AMPD3: variants seen among roughly 807,000 people sequenced by gnomAD.
AMPD3 encodes AMP deaminase 3.
A neutral mutation model predicts 82.3 loss-of-function variants in AMPD3; 57 were observed. The ratio of observed to expected loss-of-function variants is 0.69; its 90% CI spans 0.56 to 0.86. The LOEUF (loss-of-function observed/expected upper bound fraction) is 0.86, where lower values mean the gene tolerates loss of function less well. Among genes scored for constraint, AMPD3 ranks in the 40% least tolerant of loss-of-function variants. The pLI is 0.00. For synonymous variants in AMPD3, 381 were observed against 394.7 expected (o/e 0.97, Z 0.41); for missense variants, 870 against 1,003.8 (o/e 0.87, Z 1.80).
At chr11:10,505,321 G>A (rs1448366185) in intron 14 of AMPD3, 3 of 985,248 alleles carry the variant, frequency 3.0e-6, no homozygotes, top group Non-Finnish European at 2.4e-6. Flanking sequence ...CTTTTCATGC[G>A]CAGTGTGGTG....
chr11:10,461,847 T>C, intron 2 of AMPD3, 107 bp downstream of exon 2: 2 of 1,069,926 alleles, frequency 1.9e-6, no homozygotes, highest in East Asian at 5.2e-5. Flanking sequence ...GGTATGTCCC[T>C]AGAGCTGTGT....
Position 10,456,423 on chromosome 11 carries a change from A to G in AMPD3, c.-6+975A>G, listed in dbSNP as rs1287945830. On this transcript the variant is annotated intron_variant, in intron 1 of 14. Transcript: ENST00000396553. This position sits in a 1 kb window ranked among gnomAD's most constrained non-coding sequence, Gnocchi z 4.3. ...CTCAGGTCTGTGTCGGGGCTTCTGC[A>G]AGGGGAGTCTGGCAAGAGTAGGAAC... 1 of 1,613,792 alleles carries G rather than the reference A, an allele frequency of 6.2e-7. No homozygotes were observed. Among genetic ancestry groups the G allele is most frequent in the Non-Finnish European group, 8.5e-7 (1 of 1,179,696 alleles).
chr11:10,473,989 A>T (rs2133864562), intron 2 of AMPD3, among the ~76,000 whole-genome samples: 1 of 152,090 alleles, frequency 6.6e-6, no homozygotes, highest in Admixed American at 6.5e-5. Context: ...GTGGGGGAGG[A>T]GTTCAAACCA....
In AMPD3 at chr11:10,484,864, G is replaced by A. The variant is rs773101414; in HGVS notation, c.634G>A (p.Asp212Asn). The A allele has an allele frequency of 2.5e-6, 4 of 1,614,074 alleles. No individual in the cohort carries two copies. The highest frequency in any genetic ancestry group is 2.5e-6 in the Non-Finnish European group (3 of 1,180,018). The change falls in exon 5 of 15, where the codon GAT becomes AAT. Residue 212 changes from aspartate to asparagine, a missense_variant. Asp to Asn is a conservative substitution (Grantham distance 23). Transcript: ENST00000396553. ...PLPQEDPYCL[D>N]DAPPNLDYLV... is the part of the protein sequence containing the mutation. Reference sequence around the variant, plus strand: ...GCCCCAGGAAGACCCCTACTGCCTGGATGATGCACCCCCCAACCTGGATTA... The same window carrying A: ...GCCCCAGGAAGACCCCTACTGCCTGAATGATGCACCCCCCAACCTGGATTA...
chr11:10,501,620 T>C (rs1401423677), intron 12 of AMPD3, 30 bp downstream of exon 12: 1 of 1,614,078 alleles, frequency 6.2e-7, no homozygotes, highest in Non-Finnish European at 8.5e-7. Context: ...GAGCCCGTCC[T>C]GAGTGACTGC....
At chr11:10,477,218 T>C (rs1038482608) in intron 2 of AMPD3, 1 of 569,546 alleles carries the variant, frequency 1.8e-6, no homozygotes, top group Non-Finnish European at 2.2e-6. Context: ...CACTAGTACC[T>C]GGAGAGGAGG....
upstream of AMPD3, among the ~76,000 whole-genome samples, chr11:10,452,163 G>C (rs931376670): frequency 1.3e-5 from 2 of 151,084 alleles, no homozygotes; most frequent in Non-Finnish European, 3.0e-5. Flanking sequence ...AGCTCTTTGA[G>C]AGATGAGGTT....
intron 2 of AMPD3, among the ~76,000 whole-genome samples, chr11:10,467,956 C>T (rs1038649775): frequency 6.6e-6 from 1 of 151,274 alleles, no homozygotes; most frequent in Non-Finnish European, 1.5e-5. Flanking sequence ...CCTTTACAGA[C>T]AAGCAAATGC....
At chr11:10,450,638 G>T, upstream of AMPD3, 3 of 1,000,572 alleles carry the variant, frequency 3.0e-6, no homozygotes, top group Non-Finnish European at 3.6e-6. Flanking sequence ...CCCAGGAGGC[G>T]GCGGGTGCTT....
chr11:10,492,391 A>C (rs920662902), intron 6 of AMPD3, among the ~76,000 whole-genome samples: 10 of 152,010 alleles, frequency 6.6e-5, no homozygotes, highest in Non-Finnish European at 1.5e-4. Context: ...AGTTTGGGTG[A>C]GGTGTAACTA....
intron 4 of AMPD3, 39 bp from the exon 5 acceptor site, chr11:10,484,781 G>A (rs751971567): frequency 2.5e-6 from 4 of 1,608,202 alleles, no homozygotes; most frequent in Non-Finnish European, 3.4e-6. Context: ...TGCTCACAAG[G>A]TCAGGGGCAC....
In AMPD3 at chr11:10,493,620, T is replaced by C. The variant is rs1398726663; in HGVS notation, c.1134+77T>C. ...GACTCAGCCCCCTGGAAAGCCACCATGATTGTGCTTGCCGGGAGGTGCTAC... is the reference window on the plus strand; with the variant it reads ...GACTCAGCCCCCTGGAAAGCCACCACGATTGTGCTTGCCGGGAGGTGCTAC... On this transcript the variant is annotated intron_variant, in intron 7 of 14. Coordinates refer to ENST00000396553, the MANE Select transcript of AMPD3 (RefSeq NM_001025389.2). The C allele has an allele frequency of 2.0e-6, 3 of 1,519,082 alleles. No individual in the cohort carries two copies. The South Asian group carries it at 3.5e-5, about 18-fold the overall frequency. 94.1% of individuals were successfully genotyped at this position (1,519,082 alleles called of 1,614,324 possible).
chr11:10,456,350 C>G lies in AMPD3; in HGVS notation c.-6+902C>G. ...CCTGGGTGGCAGGCAGCACCTCACC[C>G]GGGTGCATCACTTGAGTGGCATCTT... On this transcript the variant is annotated intron_variant, in intron 1 of 14. Coordinates refer to ENST00000396553, the MANE Select transcript of AMPD3 (RefSeq NM_001025389.2). The surrounding 1 kb of genome is among the most constrained non-coding windows in gnomAD (Gnocchi z 4.3). 6.2e-7 allele frequency: 1 copy of G among 1,613,446 alleles called. No homozygotes were observed. Among genetic ancestry groups the G allele is most frequent in the Non-Finnish European group, 8.5e-7 (1 of 1,179,504 alleles).
chr11:10,504,706 C>A (rs773885241), intron 14 of AMPD3, 47 bp downstream of exon 14: 1 of 1,545,682 alleles, frequency 6.5e-7, no homozygotes, highest in Non-Finnish European at 8.9e-7. Flanking sequence ...GGAAGGCTGC[C>A]TGCTGTGTGC....
chr11:10,450,778 G>A (rs1035725571), upstream of AMPD3: 3 of 1,166,412 alleles, frequency 2.6e-6, no homozygotes, highest in Non-Finnish European at 3.2e-6. Flanking sequence ...GGGCACCGAC[G>A]GGGGCTGCAC....
At position 10,507,296 on chromosome 11, in the gene AMPD3, AG is replaced by A. The variant is rs1849735002; in HGVS notation, c.*1413del. 6.6e-6 allele frequency: 1 copy of A among 152,154 alleles called. No individual in the cohort carries two copies. Among genetic ancestry groups the A allele is most frequent in the Non-Finnish European group, 1.5e-5 (1 of 68,038 alleles). The allele number at this position is 152,154 out of a possible 1,614,324, so 9.4% of individuals were successfully genotyped here. A position where few individuals can be genotyped will look rare whatever the true frequency, so the allele number is the denominator to read the frequency against. ...TCTGCCTGTGAACTTATTTGACTTT[AG>A]ATTGTCTCATCTTGTGACTTTATAA... is the stretch of plus-strand genomic sequence containing the variant. On this transcript the variant is annotated 3_prime_UTR_variant, in exon 15 of 15. Transcript: ENST00000396553.
chr11:10,486,046 T>C (rs1849059461), intron 5 of AMPD3, among the ~76,000 whole-genome samples: 1 of 152,086 alleles, frequency 6.6e-6, no homozygotes, highest in Non-Finnish European at 1.5e-5. Context: ...GGCAGCATGA[T>C]TCTTAGTCCT....
chr11:10,486,888 G>A (rs757704062), intron 5 of AMPD3: 1 of 985,290 alleles, frequency 1.0e-6, no homozygotes, highest in Non-Finnish European at 1.2e-6. Context: ...GCATAAACCA[G>A]TTTAACCCTT....
intron 7 of AMPD3, chr11:10,494,560 T>G: frequency 1.0e-6 from 1 of 985,374 alleles, no homozygotes; most frequent in Non-Finnish European, 1.2e-6. Context: ...GTGGAGAAAG[T>G]GCTTTACAAA....
Sources: gnomAD v4.1 joint callset for allele counts (sites outside exome capture counted in the v4.1 genomes callset) on GRCh38, gnomAD v4.1.1 for gene constraint, Gnocchi (gnomAD v3.1) non-coding constraint, MANE v1.5 for transcripts, NCBI Gene and HGNC (gene_info 2026-07-23, HGNC 2026-07-21) for gene names.